The following PRKAR1B variants were observed in gnomAD, a reference collection of about 807,000 sequenced individuals.
The protein encoded by PRKAR1B is cAMP-dependent protein kinase type I-beta regulatory subunit.
A neutral mutation model predicts 46.5 loss-of-function variants in PRKAR1B; 22 were observed. The ratio of observed to expected loss-of-function variants is 0.47; its 90% CI spans 0.34 to 0.68. The LOEUF (loss-of-function observed/expected upper bound fraction) is 0.68, where lower values mean the gene tolerates loss of function less well. Ranked by LOEUF, PRKAR1B falls within the 30% of genes least tolerant of loss-of-function variation. The pLI, the probability that PRKAR1B is intolerant of heterozygous loss-of-function variation, is 0.01. For synonymous variants in PRKAR1B, 259 were observed against 217.7 expected, an observed-to-expected ratio of 1.19 and a Z score of -1.67; for missense variants, 445 against 535.6, an observed-to-expected ratio of 0.83 and a Z score of 1.67.
At position 570,692 on chromosome 7, in the gene PRKAR1B, G is replaced by A. The variant is rs148684582; in HGVS notation, c.891+8564C>T. Among the ~76,000 whole-genome samples, 182 of 152,234 alleles carry A rather than the reference G, an allele frequency of 1.2e-3. 1 individual carries two copies. Among genetic ancestry groups the A allele is most frequent in the African/African-American group, 4.1e-3 (169 of 41,532 alleles). On this transcript the variant is annotated intron_variant, in intron 9 of 10. Transcript: ENST00000537384. ...CCTCTGCAAATCAGCCCCCAACTCC[G>A]GCCATTGCGGCCGTCACACCCAGAG...
intron 4 of PRKAR1B, among the ~76,000 whole-genome samples, chr7:657,752 T>C (rs1785291088): frequency 6.6e-6 from 1 of 152,206 alleles, no homozygotes; most frequent in South Asian, 2.1e-4. Context: ...AGGACAAGCA[T>C]GAACCAGCTG....
At chr7:660,199 T>C (rs1785431704) in intron 4 of PRKAR1B, among the ~76,000 whole-genome samples, 1 of 152,076 alleles carries the variant, frequency 6.6e-6, no homozygotes, top group South Asian at 2.1e-4. Context: ...TTCCGGGTTC[T>C]GGTTCCACCC....
intron 9 of PRKAR1B, among the ~76,000 whole-genome samples, chr7:570,288 A>G (rs1349512221): frequency 6.6e-6 from 1 of 152,188 alleles, no homozygotes; most frequent in Non-Finnish European, 1.5e-5. Flanking sequence ...TTTGGTTCTG[A>G]GCACTTCTCA....
intron 9 of PRKAR1B, among the ~76,000 whole-genome samples, chr7:558,836 T>C (rs1374592667): frequency 2.0e-5 from 3 of 152,210 alleles, no homozygotes; most frequent in Non-Finnish European, 2.9e-5. Flanking sequence ...TTCCTGTCCC[T>C]TGTCACAGCC....
chr7:573,267 T>G, intron 9 of PRKAR1B, among the ~76,000 whole-genome samples: 1 of 152,206 alleles, frequency 6.6e-6, no homozygotes, highest in East Asian at 1.9e-4. Context: ...TTCCCTCGGG[T>G]TGAGTTTCGT....
At chr7:659,825 C>T (rs762439200) in intron 4 of PRKAR1B, among the ~76,000 whole-genome samples, 13 of 152,186 alleles carry the variant, frequency 8.5e-5, no homozygotes, top group Non-Finnish European at 1.5e-4. Context: ...GCCACCTCAG[C>T]CTCTGGAGTA....
intron 2 of PRKAR1B, among the ~76,000 whole-genome samples, chr7:708,171 C>T (rs529062183): frequency 4.6e-5 from 7 of 150,768 alleles, no homozygotes; most frequent in African/African-American, 1.2e-4. Flanking sequence ...TTCTCCCACA[C>T]GGACCCAGAA....
intron 8 of PRKAR1B, among the ~76,000 whole-genome samples, chr7:582,777 CA>C (rs1178137280): frequency 2.0e-5 from 3 of 152,208 alleles, no homozygotes; most frequent in African/African-American, 7.2e-5. Context: ...TGGTGGGCAC[CA>C]GGGGCCGGAC....
chr7:600,884 A>G (rs1781549512), intron 6 of PRKAR1B, among the ~76,000 whole-genome samples: 1 of 152,274 alleles, frequency 6.6e-6, no homozygotes, highest in Non-Finnish European at 1.5e-5. Context: ...ACATTGGAAG[A>G]TATTTTTATA....
intron 6 of PRKAR1B, among the ~76,000 whole-genome samples, chr7:600,195 G>GGT (rs1291784243): frequency 6.6e-6 from 1 of 152,234 alleles, no homozygotes. Flanking sequence ...TGGTCAGTGT[G>GGT]GTGTGTCTTT....
intron 7 of PRKAR1B, among the ~76,000 whole-genome samples, chr7:594,687 C>T (rs1415158492): frequency 2.6e-5 from 4 of 151,994 alleles, no homozygotes; most frequent in African/African-American, 7.2e-5. Context: ...ACAAGGGGAC[C>T]CCAAGACCAT....
rs948520137 is a variant in PRKAR1B at position 564,833 on chromosome 7, G to A, written c.892-13363C>T. On this transcript the variant is annotated intron_variant, in intron 9 of 10. Transcript: ENST00000537384. ...GAGACGAACACATCAGCTTTGGAGG[G>A]AGGAAGTGTTGCAGGCGGATGCCCC... Among the ~76,000 whole-genome samples, 3 of 152,228 alleles carry A rather than the reference G, an allele frequency of 2.0e-5. No homozygotes were observed. In the South Asian group the frequency reaches 6.2e-4, roughly 32 times the overall value.
At chr7:598,568 C>T (rs1364282981) in intron 6 of PRKAR1B, among the ~76,000 whole-genome samples, 1 of 150,504 alleles carries the variant, frequency 6.6e-6, no homozygotes, top group Non-Finnish European at 1.5e-5. Context: ...CATCACCCTC[C>T]AGCACCCTCC....
intron 4 of PRKAR1B, among the ~76,000 whole-genome samples, chr7:615,099 G>T (rs563804874): frequency 6.6e-6 from 1 of 151,182 alleles, no homozygotes; most frequent in South Asian, 2.1e-4. Context: ...GAAGGAGAGA[G>T]AGAGAGGCAG....
chr7:621,721 C>T (rs1783116978), intron 4 of PRKAR1B, among the ~76,000 whole-genome samples: 1 of 152,226 alleles, frequency 6.6e-6, no homozygotes. Flanking sequence ...ATGTGTGGTA[C>T]AAGTCCCAAC....
At position 682,059 on chromosome 7, in the gene PRKAR1B, AAGGGAGGAGGGAGC is replaced by A. The variant is rs551031602; in HGVS notation, c.178-1347_178-1334del. Among the ~76,000 whole-genome samples, 33 of 152,030 alleles carry A rather than the reference AAGGGAGGAGGGAGC, an allele frequency of 2.2e-4. No homozygotes were observed. In the East Asian group the frequency reaches 4.7e-3, roughly 21 times the overall value. On this transcript the variant is annotated intron_variant, in intron 2 of 10. Transcript: ENST00000537384. ...TAAGGGGAGGGAGGGAGGAAGGAAG[AAGGGAGGAGGGAGC>A]AGGGAGGAGGGAGAGGAGAAGTCAG...
chr7:640,533 C>T (rs1423848178), intron 4 of PRKAR1B, among the ~76,000 whole-genome samples: 3 of 152,074 alleles, frequency 2.0e-5, no homozygotes, highest in Non-Finnish European at 2.9e-5. Context: ...GAGGCCGAGG[C>T]GGGTGGACCA....
intron 6 of PRKAR1B, among the ~76,000 whole-genome samples, chr7:601,277 C>T (rs1382468050): frequency 2.6e-5 from 4 of 152,244 alleles, no homozygotes; most frequent in African/African-American, 9.6e-5. Context: ...CAGCCCCGAA[C>T]CCAGGGTACA....
chr7:577,628 C>T (rs1027915241), intron 9 of PRKAR1B, among the ~76,000 whole-genome samples: 9 of 152,308 alleles, frequency 5.9e-5, no homozygotes, highest in South Asian at 4.1e-4. Context: ...GGACGACGGA[C>T]GCACTGCCGG....
Sources: gnomAD v4.1 joint callset for allele counts (sites outside exome capture counted in the v4.1 genomes callset) on GRCh38, gnomAD v4.1.1 for gene constraint, MANE v1.5 for transcripts, NCBI Gene and HGNC (gene_info 2026-07-23, HGNC 2026-07-21) for gene names.